Variants in CCDC149 observed in about 807,000 individuals in gnomAD.
The protein encoded by CCDC149 is coiled-coil domain-containing protein 149.
In CCDC149, 45 loss-of-function variants were observed where a neutral mutation model predicts 59.9. The observed-to-expected ratio is 0.75, with a 90% CI of 0.59 to 0.96. The LOEUF (loss-of-function observed/expected upper bound fraction) is 0.96, where lower values mean the gene tolerates loss of function less well. Among genes scored for constraint, CCDC149 ranks in the 40% least tolerant of loss-of-function variants. CCDC149 has a pLI of 0.00. For missense variants in CCDC149, 584 were observed against 664.7 expected, an observed-to-expected ratio of 0.88 and a Z score of 1.33; for synonymous variants, 245 against 260.6, an observed-to-expected ratio of 0.94 and a Z score of 0.58.
chr4:24,892,350 T>A (rs985748414), intron 1 of CCDC149, among the ~76,000 whole-genome samples: 4 of 152,206 alleles, frequency 2.6e-5, no homozygotes, highest in African/African-American at 9.6e-5. Context: ...TTAAATGAGA[T>A]AATGAAAAGA....
chr4:24,912,792 C>A, intron 1 of CCDC149, 25 bp downstream of exon 1: 3 of 1,303,600 alleles, frequency 2.3e-6, no homozygotes, highest in South Asian at 1.9e-5. Flanking sequence ...CGGCCCATCC[C>A]GCCTGGCCGG....
intron 4 of CCDC149, among the ~76,000 whole-genome samples, chr4:24,849,073 G>C (rs538765842): frequency 6.6e-6 from 1 of 152,014 alleles, no homozygotes; most frequent in South Asian, 2.1e-4. Flanking sequence ...TAAATTCTCC[G>C]AGACCCCTTT....
intron 1 of CCDC149, among the ~76,000 whole-genome samples, chr4:24,881,330 G>C (rs1011592544): frequency 6.6e-6 from 1 of 152,132 alleles, no homozygotes; most frequent in African/African-American, 2.4e-5. Context: ...TGCTTTGCCC[G>C]ATAAAATGGG....
At chr4:24,855,686 T>A (rs181927930) in intron 3 of CCDC149, among the ~76,000 whole-genome samples, 2 of 152,148 alleles carry the variant, frequency 1.3e-5, no homozygotes, top group African/African-American at 2.4e-5. Context: ...ACTCAGTAAC[T>A]CCATCGAATT....
At chr4:24,841,677 A>G (rs1716947977) in intron 4 of CCDC149, among the ~76,000 whole-genome samples, 1 of 152,224 alleles carries the variant, frequency 6.6e-6, no homozygotes, top group Non-Finnish European at 1.5e-5. Context: ...GCTGGTGTGC[A>G]CTGGAGTTGG....
intron 1 of CCDC149, among the ~76,000 whole-genome samples, chr4:24,940,748 A>G (rs1722930295): frequency 6.6e-6 from 1 of 152,228 alleles, no homozygotes; most frequent in Non-Finnish European, 1.5e-5. Flanking sequence ...TTGTAATTCT[A>G]GTCTCAGATA....
chr4:24,831,698 G>A (rs374702636), intron 8 of CCDC149, 48 bp from the exon 9 acceptor site: 67 of 1,555,874 alleles, frequency 4.3e-5, no homozygotes, highest in Admixed American at 1.1e-4. Flanking sequence ...CTTCTGAAAC[G>A]CTGGAATGCA....
At chr4:24,932,310 C>T (rs1722619574) in intron 1 of CCDC149, among the ~76,000 whole-genome samples, 1 of 152,106 alleles carries the variant, frequency 6.6e-6, no homozygotes, top group African/African-American at 2.4e-5. Context: ...TAAGTTTCAG[C>T]ACTGCCAGAT....
chr4:24,955,403 T>C (rs1325461155), intron 1 of CCDC149, among the ~76,000 whole-genome samples: 1 of 152,172 alleles, frequency 6.6e-6, no homozygotes, highest in African/African-American at 2.4e-5. Context: ...TACTATCACA[T>C]TGACAACACG....
upstream of CCDC149, among the ~76,000 whole-genome samples, chr4:24,917,607 G>A (rs1722166818): frequency 6.6e-6 from 1 of 152,100 alleles, no homozygotes; most frequent in Non-Finnish European, 1.5e-5. Context: ...GGGTGCCGGA[G>A]GAGAGGCCTA....
chr4:24,922,706 T>C (rs1317981158), intron 1 of CCDC149, among the ~76,000 whole-genome samples: 1 of 152,134 alleles, frequency 6.6e-6, no homozygotes. Context: ...CTACAAAGGC[T>C]TTCCCCAGTG....
At chr4:24,804,547 AACAACAAAGCCAAGAGGGC>A (rs1316676643), downstream of CCDC149, among the ~76,000 whole-genome samples, 1 of 152,110 alleles carries the variant, frequency 6.6e-6, no homozygotes, top group African/African-American at 2.4e-5. Flanking sequence ...GCTGTGGGAA[AACAACAAAGCCAAGAGGGC>A]ACCCCATTTT....
chr4:24,808,264 C>T lies in CCDC149; in HGVS notation c.*125G>A, dbSNP rs1308445202. 1.8e-5 allele frequency: 15 copies of T among 812,032 alleles called. No individual in the cohort carries two copies. The Middle Eastern group carries it at 8.1e-4, about 44-fold the overall frequency. The allele number at this position is 812,032 out of a possible 1,614,324, so 50.3% of individuals were successfully genotyped here. A position where few individuals can be genotyped will look rare whatever the true frequency, so the allele number is the denominator to read the frequency against. On this transcript the variant is annotated 3_prime_UTR_variant, in exon 13 of 13. Coordinates refer to ENST00000635206, the MANE Select transcript of CCDC149 (RefSeq NM_001330643.2). ...TTCACAGTTTGCAACAGGATCAGTG[C>T]GTTTTCTCACTTGCAGACTCGGAGG...
rs377736325 is a variant in CCDC149 at position 24,838,124 on chromosome 4, A to G, written c.489+32T>C. The stretch of plus-strand genomic sequence containing the variant: ...GTGTTGTGTCCAGCTGTGCAAATGC[A>G]TCCCCCACTCTGAATAGATGTTAGT... On this transcript the variant is annotated intron_variant, in intron 5 of 12. Transcript: ENST00000635206. 1.1e-5 allele frequency: 16 copies of G among 1,500,602 alleles called. No homozygotes were observed. The African/African-American group carries it at 2.1e-4, about 19-fold the overall frequency. 93.0% of individuals were successfully genotyped at this position (1,500,602 alleles called of 1,614,324 possible). A position where few individuals can be genotyped will look rare whatever the true frequency, so the allele number is the denominator to read the frequency against.
At chr4:24,870,612 G>A (rs963569627) in intron 3 of CCDC149, among the ~76,000 whole-genome samples, 2 of 152,162 alleles carry the variant, frequency 1.3e-5, no homozygotes, top group African/African-American at 4.8e-5. Flanking sequence ...CTGTAAGAAT[G>A]CAGCTTAACA....
intron 1 of CCDC149, among the ~76,000 whole-genome samples, chr4:24,937,972 AG>A (rs1443210366): frequency 6.6e-6 from 1 of 152,086 alleles, no homozygotes; most frequent in Non-Finnish European, 1.5e-5. Context: ...ATGGTTGTGT[AG>A]GGGGCTATTT....
At chr4:24,852,517 G>A (rs1577411012) in intron 4 of CCDC149, among the ~76,000 whole-genome samples, 1 of 152,096 alleles carries the variant, frequency 6.6e-6, no homozygotes, top group Non-Finnish European at 1.5e-5. Context: ...GAGAGAGAGT[G>A]CACACATTTA....
chr4:24,897,029 C>T (rs186404719), intron 1 of CCDC149, among the ~76,000 whole-genome samples: 1 of 152,210 alleles, frequency 6.6e-6, no homozygotes, highest in African/African-American at 2.4e-5. Context: ...TTCACTAGAG[C>T]AACTCCAAGC....
chr4:24,886,729 T>C (rs1367979063), intron 1 of CCDC149, among the ~76,000 whole-genome samples: 1 of 152,158 alleles, frequency 6.6e-6, no homozygotes, highest in Non-Finnish European at 1.5e-5. Flanking sequence ...AAGTCTCTAT[T>C]AATCATACAC....
Sources: allele counts gnomAD v4.1 joint callset (sites outside exome capture counted in the v4.1 genomes callset), GRCh38; gene constraint gnomAD v4.1.1; transcripts MANE v1.5; gene names NCBI Gene and HGNC (gene_info 2026-07-23, HGNC 2026-07-21).